Variants in MGMT observed in about 807,000 individuals in gnomAD.
MGMT encodes the protein methylated-DNA--protein-cysteine methyltransferase.
In MGMT, 14 loss-of-function variants were observed where a neutral mutation model predicts 15.9. That is an observed-to-expected ratio of 0.88 (90% CI 0.58 to 1.37). The LOEUF is 1.37. MGMT is among the 40% of genes most tolerant of loss of function. The pLI, the probability that MGMT is intolerant of heterozygous loss-of-function variation, is 0.00. For synonymous variants in MGMT, 130 were observed against 118.2 expected, an observed-to-expected ratio of 1.10 and a Z score of -0.65; for missense variants, 282 against 268.1, an observed-to-expected ratio of 1.05 and a Z score of -0.36.
chr10:129,642,857 C>A (rs1217603901), intron 2 of MGMT, among the ~76,000 whole-genome samples: 4 of 151,690 alleles, frequency 2.6e-5, no homozygotes, highest in Non-Finnish European at 5.9e-5. Context: ...ACCTGAGCCC[C>A]GAAGTTCAAG....
At chr10:129,634,464 T>C (rs931031970) in intron 2 of MGMT, among the ~76,000 whole-genome samples, 4 of 152,320 alleles carry the variant, frequency 2.6e-5, no homozygotes, top group Non-Finnish European at 4.4e-5. Context: ...ACTACAGATA[T>C]GTACGATTTC....
chr10:129,675,102 G>A (rs989406825), intron 2 of MGMT, among the ~76,000 whole-genome samples: 3 of 152,190 alleles, frequency 2.0e-5, no homozygotes, highest in Non-Finnish European at 2.9e-5. Flanking sequence ...TGCACTTGGG[G>A]GACCCGAGGA....
intron 3 of MGMT, among the ~76,000 whole-genome samples, chr10:129,755,428 T>C (rs1270429025): frequency 6.6e-6 from 1 of 152,242 alleles, no homozygotes; most frequent in Non-Finnish European, 1.5e-5. Context: ...ACAGCACAGC[T>C]ACTGAGATGC....
At chr10:129,620,032 A>G (rs578130073) in intron 2 of MGMT, among the ~76,000 whole-genome samples, 10 of 152,250 alleles carry the variant, frequency 6.6e-5, no homozygotes, top group Admixed American at 1.3e-4. Flanking sequence ...AGGGTTAACT[A>G]TGTCAGCCTG....
intron 4 of MGMT, among the ~76,000 whole-genome samples, chr10:129,763,740 AATT>A (rs1262442721): frequency 1.3e-5 from 2 of 152,224 alleles, no homozygotes; most frequent in Non-Finnish European, 2.9e-5. Context: ...CCCTCACAGC[AATT>A]ATTAATGGGA....
At chr10:129,600,714 G>T (rs551066673) in intron 2 of MGMT, among the ~76,000 whole-genome samples, 6 of 152,286 alleles carry the variant, frequency 3.9e-5, no homozygotes, top group African/African-American at 1.2e-4. Context: ...GGCCTGCGTG[G>T]GTATCCTAAG....
chr10:129,671,283 A>G (rs956513581), intron 2 of MGMT, among the ~76,000 whole-genome samples: 1 of 152,206 alleles, frequency 6.6e-6, no homozygotes, highest in East Asian at 1.9e-4. Context: ...GATACTCCAC[A>G]TTTAGTGCTG....
intron 2 of MGMT, among the ~76,000 whole-genome samples, chr10:129,548,088 A>G (rs1846116379): frequency 2.0e-5 from 3 of 152,372 alleles, no homozygotes; most frequent in African/African-American, 7.2e-5. Context: ...ACTGTATTCA[A>G]TTTGCTAGGT....
chr10:129,492,880 T>C (rs1305732319), intron 1 of MGMT, among the ~76,000 whole-genome samples: 1 of 152,276 alleles, frequency 6.6e-6, no homozygotes, highest in Non-Finnish European at 1.5e-5. Flanking sequence ...GAGCACTTGC[T>C]TGAAATCTTG....
At chr10:129,743,259 C>T (rs1431603741) in intron 3 of MGMT, among the ~76,000 whole-genome samples, 1 of 152,240 alleles carries the variant, frequency 6.6e-6, no homozygotes, top group Admixed American at 6.5e-5. Context: ...GAGGGTTCCA[C>T]TGGTGCTTGC....
chr10:129,568,934 T>C (rs1846385894), intron 2 of MGMT, among the ~76,000 whole-genome samples: 1 of 152,246 alleles, frequency 6.6e-6, no homozygotes, highest in Non-Finnish European at 1.5e-5. Context: ...TGCAGTTTCT[T>C]GCATGAAATA....
chr10:129,583,402 C>T (rs972558192), intron 2 of MGMT, among the ~76,000 whole-genome samples: 3 of 152,218 alleles, frequency 2.0e-5, no homozygotes, highest in Non-Finnish European at 4.4e-5. Flanking sequence ...ATTATTTACT[C>T]ATCAGATTTT....
chr10:129,690,792 G>A (rs996985937), intron 2 of MGMT, among the ~76,000 whole-genome samples: 1 of 152,178 alleles, frequency 6.6e-6, no homozygotes, highest in African/African-American at 2.4e-5. Context: ...CTGGAGCTTG[G>A]GATTCAGCCA....
intron 2 of MGMT, among the ~76,000 whole-genome samples, chr10:129,537,790 G>A (rs1168786552): frequency 6.6e-6 from 1 of 152,168 alleles, no homozygotes; most frequent in African/African-American, 2.4e-5. Flanking sequence ...TCCTGAATAG[G>A]ATCTGGCTGA....
At chr10:129,746,868 A>G (rs1045432514) in intron 3 of MGMT, among the ~76,000 whole-genome samples, 2 of 152,198 alleles carry the variant, frequency 1.3e-5, no homozygotes, top group Admixed American at 1.3e-4. Flanking sequence ...TCTATCTGCA[A>G]TAAATTCTTC....
intron 2 of MGMT, among the ~76,000 whole-genome samples, chr10:129,661,371 C>G (rs768823133): frequency 2.0e-5 from 3 of 152,162 alleles, no homozygotes; most frequent in African/African-American, 4.8e-5. Flanking sequence ...AGACCCCCCT[C>G]ATAAGGCTGT....
intron 2 of MGMT, among the ~76,000 whole-genome samples, chr10:129,641,126 A>G (rs527403488): frequency 6.6e-6 from 1 of 152,230 alleles, no homozygotes; most frequent in African/African-American, 2.4e-5. Flanking sequence ...ATTCCCAAAA[A>G]CCTACAAAAC....
At chr10:129,668,788 A>C (rs1847688305) in intron 2 of MGMT, among the ~76,000 whole-genome samples, 1 of 152,202 alleles carries the variant, frequency 6.6e-6, no homozygotes, top group Non-Finnish European at 1.5e-5. Flanking sequence ...AATTTTTAAA[A>C]GAACTTTTTC....
chr10:129,630,096 C>T (rs1383227915), intron 2 of MGMT, among the ~76,000 whole-genome samples: 1 of 152,192 alleles, frequency 6.6e-6, no homozygotes, highest in Non-Finnish European at 1.5e-5. Flanking sequence ...TGGTTAATCG[C>T]GTGCGTCTCC....
Sources: gnomAD v4.1 joint callset for allele counts (sites outside exome capture counted in the v4.1 genomes callset) on GRCh38, gnomAD v4.1.1 for gene constraint, MANE v1.5 for transcripts, NCBI Gene and HGNC (gene_info 2026-07-23, HGNC 2026-07-21) for gene names.